Variants in LAMA2 observed in about 807,000 individuals in gnomAD.
LAMA2 encodes laminin subunit alpha-2.
A neutral mutation model predicts 364.8 loss-of-function variants in LAMA2; 269 were observed. The ratio of observed to expected loss-of-function variants is 0.74; its 90% CI spans 0.67 to 0.82. LAMA2 has a LOEUF of 0.82. Ranked by LOEUF, LAMA2 falls within the 40% of genes least tolerant of loss-of-function variation. The pLI, the probability that LAMA2 is intolerant of heterozygous loss-of-function variation, is 0.00. For synonymous variants in LAMA2, 1,379 were observed against 1,370.6 expected (o/e 1.01, Z -0.14); for missense variants, 3,807 against 3,873.2 (o/e 0.98, Z 0.45).
chr6:129,101,683 G>A (rs1206152829), intron 4 of LAMA2, among the ~76,000 whole-genome samples: 1 of 152,152 alleles, frequency 6.6e-6, no homozygotes, highest in African/African-American at 2.4e-5. Context: ...GTAGCCACAT[G>A]GGACTAGCAG....
chr6:129,198,878 C>T (rs1782008113), intron 12 of LAMA2, among the ~76,000 whole-genome samples: 1 of 151,956 alleles, frequency 6.6e-6, no homozygotes, highest in Non-Finnish European at 1.5e-5. Flanking sequence ...TCAAATAAAC[C>T]TTCCAATGAA....
At chr6:128,993,352 G>A (rs1400737653) in intron 1 of LAMA2, among the ~76,000 whole-genome samples, 1 of 152,222 alleles carries the variant, frequency 6.6e-6, no homozygotes, top group African/African-American at 2.4e-5. Flanking sequence ...TGTCTTGACA[G>A]TGGATCATGG....
chr6:129,435,001 C>T (rs1265044836), intron 41 of LAMA2, among the ~76,000 whole-genome samples: 1 of 145,402 alleles, frequency 6.9e-6, no homozygotes, highest in East Asian at 2.0e-4. Flanking sequence ...CTTGCTAGTA[C>T]AAAAAAAAAA....
chr6:128,911,601 C>T (rs1300658531), intron 1 of LAMA2, among the ~76,000 whole-genome samples: 4 of 152,144 alleles, frequency 2.6e-5, no homozygotes, highest in African/African-American at 4.8e-5. Context: ...CTGTCTTCTG[C>T]GTCGCTCACG....
At chr6:129,152,267 A>G (rs1230100184) in intron 7 of LAMA2, among the ~76,000 whole-genome samples, 2 of 152,196 alleles carry the variant, frequency 1.3e-5, no homozygotes, top group East Asian at 3.8e-4. Flanking sequence ...TACTCAACAA[A>G]TATTTGAATG....
intron 12 of LAMA2, among the ~76,000 whole-genome samples, chr6:129,228,752 T>C (rs1354900943): frequency 6.6e-6 from 1 of 152,288 alleles, no homozygotes; most frequent in East Asian, 1.9e-4. Context: ...GAAAAATGTA[T>C]GAAATAGATG....
Position 129,345,444 on chromosome 6 carries a change from T to TA in LAMA2, c.4436+2981dup, listed in dbSNP as rs554120584. Among the ~76,000 whole-genome samples the TA allele has an allele frequency of 9.5e-4, 144 of 152,336 alleles. 1 individual carries two copies. Among genetic ancestry groups the TA allele is most frequent in the Non-Finnish European group, 1.7e-3 (113 of 68,014 alleles). ...TTACAGTTTTAAGAAATTTCAAGAATAAAATGATAGAATACTACCCTGATT... is the reference window on the plus strand; with the variant it reads ...TTACAGTTTTAAGAAATTTCAAGAATAAAAATGATAGAATACTACCCTGATT... On this transcript the variant is annotated intron_variant, in intron 30 of 64. Coordinates refer to ENST00000421865, the MANE Select transcript of LAMA2 (RefSeq NM_000426.4).
chr6:129,121,585 A>G (rs1052312734), intron 4 of LAMA2, among the ~76,000 whole-genome samples: 1 of 152,172 alleles, frequency 6.6e-6, no homozygotes, highest in Non-Finnish European at 1.5e-5. Context: ...TCAAGCAGGA[A>G]GTTCTGGAAG....
intron 40 of LAMA2, among the ~76,000 whole-genome samples, chr6:129,424,564 CA>C (rs1781234598): frequency 6.6e-6 from 1 of 151,590 alleles, no homozygotes; most frequent in Non-Finnish European, 1.5e-5. Flanking sequence ...AAAATTTGAA[CA>C]AAAGATTTAA....
intron 22 of LAMA2, among the ~76,000 whole-genome samples, chr6:129,305,627 GAGAGAGAGAC>G (rs1310055709): frequency 6.6e-6 from 1 of 152,040 alleles, no homozygotes; most frequent in Non-Finnish European, 1.5e-5. Flanking sequence ...GTGTGTGTGT[GAGAGAGAGAC>G]AGAGAGAGAG....
chr6:129,451,151 A>G (rs1157079203), intron 45 of LAMA2, among the ~76,000 whole-genome samples: 1 of 152,168 alleles, frequency 6.6e-6, no homozygotes, highest in African/African-American at 2.4e-5. Flanking sequence ...CCCATTGCTC[A>G]TCTGCTTTGC....
intron 1 of LAMA2, among the ~76,000 whole-genome samples, chr6:128,923,659 A>T (rs1272674708): frequency 6.6e-6 from 1 of 152,192 alleles, no homozygotes; most frequent in Non-Finnish European, 1.5e-5. Flanking sequence ...TCTCAATATC[A>T]CTGCTAATTC....
chr6:129,239,291 T>C (rs1238145891), intron 12 of LAMA2, among the ~76,000 whole-genome samples: 1 of 152,212 alleles, frequency 6.6e-6, no homozygotes, highest in Non-Finnish European at 1.5e-5. Context: ...AGTCCAGTTC[T>C]AGAACTGTAC....
At position 129,314,649 on chromosome 6, in the gene LAMA2, C is replaced by T. The variant is rs760515359; in HGVS notation, c.3412-6C>T. ...TAAACTCTGAGGGTCTCTTGTCTTT[C>T]CTCAGGTGAATGTGGAAGGCATCCA... On this transcript the variant is annotated splice_region_variant and splice_polypyrimidine_tract_variant and intron_variant, in intron 23 of 64. Coordinates refer to ENST00000421865, the MANE Select transcript of LAMA2 (RefSeq NM_000426.4). 1 of 1,613,304 alleles carries T rather than the reference C, an allele frequency of 6.2e-7. No individual in the cohort carries two copies. Among genetic ancestry groups the T allele is most frequent in the Admixed American group, 1.7e-5 (1 of 60,006 alleles).
intron 1 of LAMA2, among the ~76,000 whole-genome samples, chr6:129,014,529 G>A (rs1158919124): frequency 6.6e-6 from 1 of 151,878 alleles, no homozygotes; most frequent in Non-Finnish European, 1.5e-5. Flanking sequence ...CACTGCCTTC[G>A]GATGGCCCTT....
intron 1 of LAMA2, chr6:128,928,910 A>T: frequency 1.4e-6 from 1 of 732,810 alleles, no homozygotes; most frequent in Non-Finnish European, 2.4e-6. Flanking sequence ...TCTTTTGGGC[A>T]TTTCTTCCTA....
chr6:129,481,538 C>A (rs1784349595), intron 55 of LAMA2, 99 bp downstream of exon 55: 6 of 1,003,840 alleles, frequency 6.0e-6, no homozygotes, highest in Admixed American at 5.2e-5. Flanking sequence ...TATTTCTGCT[C>A]TCATCTTGGC....
chr6:129,170,138 A>G (rs1426030849), intron 9 of LAMA2, among the ~76,000 whole-genome samples: 1 of 150,850 alleles, frequency 6.6e-6, no homozygotes, highest in East Asian at 2.0e-4. Context: ...AATTTTTTGA[A>G]GGGTTTTTTG....
chr6:129,247,905 T>C (rs1785876160), intron 12 of LAMA2, among the ~76,000 whole-genome samples: 1 of 152,228 alleles, frequency 6.6e-6, no homozygotes, highest in Non-Finnish European at 1.5e-5. Context: ...CCTATTTTTC[T>C]GCGTATTTAT....
Sources: allele counts gnomAD v4.1 joint callset (sites outside exome capture counted in the v4.1 genomes callset), GRCh38; gene constraint gnomAD v4.1.1; transcripts MANE v1.5; gene names NCBI Gene and HGNC (gene_info 2026-07-23, HGNC 2026-07-21).